Variants in MSI2 observed in about 807,000 individuals in gnomAD.
MSI2 encodes musashi RNA binding protein 2, also known as RNA-binding protein Musashi homolog 2.
A neutral mutation model predicts 45.6 loss-of-function variants in MSI2; 17 were observed. The ratio of observed to expected loss-of-function variants is 0.37; its 90% CI spans 0.26 to 0.56. MSI2 has a LOEUF of 0.56. MSI2 is among the 20% of genes least tolerant of loss of function. The pLI is 0.77. For synonymous variants in MSI2, 156 were observed against 158.2 expected, an observed-to-expected ratio of 0.99 and a Z score of 0.11; for missense variants, 293 against 444.2, an observed-to-expected ratio of 0.66 and a Z score of 3.06.
chr17:57,257,584 G>T (rs1395148954), intron 3 of MSI2, 37 bp downstream of exon 3: 2 of 1,443,712 alleles, frequency 1.4e-6, no homozygotes, highest in South Asian at 2.3e-5. Flanking sequence ...CTTTATTTTA[G>T]AACAAAGTTT....
chr17:57,398,434 T>A (rs1054696578), intron 5 of MSI2, among the ~76,000 whole-genome samples: 1 of 152,184 alleles, frequency 6.6e-6, no homozygotes, highest in Non-Finnish European at 1.5e-5. Context: ...GAATGAAAAA[T>A]CTAAAATTAA....
intron 5 of MSI2, among the ~76,000 whole-genome samples, chr17:57,379,878 C>G (rs1002967397): frequency 6.6e-6 from 1 of 152,236 alleles, no homozygotes; most frequent in Admixed American, 6.5e-5. Flanking sequence ...CTCCCCACCC[C>G]TCCCAACTTC....
chr17:57,670,475 G>A (rs1187011351), intron 11 of MSI2, among the ~76,000 whole-genome samples: 1 of 152,214 alleles, frequency 6.6e-6, no homozygotes, highest in African/African-American at 2.4e-5. Flanking sequence ...TCTCTGTTAA[G>A]ATCTCCAGGA....
At chr17:57,369,317 A>G (rs1230117091) in intron 5 of MSI2, among the ~76,000 whole-genome samples, 1 of 152,192 alleles carries the variant, frequency 6.6e-6, no homozygotes, top group Non-Finnish European at 1.5e-5. Context: ...CAGTGGGGAA[A>G]GGGGCAAGAA....
intron 5 of MSI2, among the ~76,000 whole-genome samples, chr17:57,288,439 A>G (rs1259883088): frequency 1.3e-5 from 2 of 152,002 alleles, no homozygotes; most frequent in South Asian, 2.1e-4. Context: ...GACTTTCTCT[A>G]CAGAATCTTC....
chr17:57,301,427 A>G (rs746738784), intron 5 of MSI2, among the ~76,000 whole-genome samples: 2 of 152,182 alleles, frequency 1.3e-5, no homozygotes, highest in Non-Finnish European at 2.9e-5. Context: ...AACATGTGAG[A>G]TCTCCGTGTA....
At chr17:57,551,462 G>A (rs902225076) in intron 7 of MSI2, among the ~76,000 whole-genome samples, 35 of 152,272 alleles carry the variant, frequency 2.3e-4, no homozygotes, top group African/African-American at 7.7e-4. Context: ...CACACAGACC[G>A]CCGTCTGGGA....
At chr17:57,450,320 A>AGAGAAAGAGAGAGAGAGAGAG (rs2084990245) in intron 6 of MSI2, 1 of 142,480 alleles carries the variant, frequency 7.0e-6, no homozygotes, top group African/African-American at 2.5e-5. Context: ...AGAAAGAAAG[A>AGAGAAAGAGAGAGAGAGAGAG]AAACCTTTGT....
At chr17:57,486,382 A>G (rs2085755597) in intron 6 of MSI2, among the ~76,000 whole-genome samples, 1 of 152,242 alleles carries the variant, frequency 6.6e-6, no homozygotes, top group Non-Finnish European at 1.5e-5. Context: ...AGGGAAGGGC[A>G]AAACAAAACA....
intron 6 of MSI2, among the ~76,000 whole-genome samples, chr17:57,511,350 G>T (rs1267870776): frequency 6.6e-6 from 1 of 152,106 alleles, no homozygotes; most frequent in East Asian, 1.9e-4. Context: ...CGACCCACCC[G>T]CTCAAATATA....
At chr17:57,505,927 C>G (rs992239515) in intron 6 of MSI2, among the ~76,000 whole-genome samples, 6 of 152,204 alleles carry the variant, frequency 3.9e-5, no homozygotes, top group Non-Finnish European at 7.3e-5. Context: ...GTAGCTGAGA[C>G]TTCTCTAAAT....
chr17:57,334,081 C>T (rs1235548132), intron 5 of MSI2, among the ~76,000 whole-genome samples: 1 of 152,214 alleles, frequency 6.6e-6, no homozygotes, highest in Non-Finnish European at 1.5e-5. Context: ...CCATCCCCAA[C>T]CGGGGGCCAT....
intron 7 of MSI2, among the ~76,000 whole-genome samples, chr17:57,578,051 T>A (rs539178453): frequency 3.9e-5 from 6 of 152,350 alleles, no homozygotes; most frequent in Non-Finnish European, 2.9e-5. Context: ...GGGAGAATGA[T>A]TGTGAAACTC....
intron 6 of MSI2, among the ~76,000 whole-genome samples, chr17:57,468,502 C>T (rs940321285): frequency 1.6e-5 from 2 of 128,954 alleles, no homozygotes; most frequent in African/African-American, 3.0e-5. Context: ...GCCTGGGCAA[C>T]AGAGCGAGAC....
Position 57,327,923 on chromosome 17 carries a change from C to T in MSI2, c.312+65731C>T, listed in dbSNP as rs574113182. Among the ~76,000 whole-genome samples, 22 of 152,240 alleles carry T rather than the reference C, an allele frequency of 1.4e-4. 2 individuals carry two copies. The South Asian group carries it at 4.4e-3, about 30-fold the overall frequency. On this transcript the variant is annotated intron_variant, in intron 5 of 13. Coordinates refer to ENST00000284073, the MANE Select transcript of MSI2 (RefSeq NM_138962.4). ...CTGGTCTGAGTTTGATACTTCTTTCCCCCTCCATCTGGGACAGGTGAGTTG... is the reference window on the plus strand; with the variant it reads ...CTGGTCTGAGTTTGATACTTCTTTCTCCCTCCATCTGGGACAGGTGAGTTG...
chr17:57,488,315 A>G (rs277067), intron 6 of MSI2, among the ~76,000 whole-genome samples: 124,255 of 152,188 alleles, frequency 0.82, 51,015 homozygotes, highest in East Asian at 0.89. Flanking sequence ...GCTTGCTTGA[A>G]TAATGAAAGA....
intron 11 of MSI2, among the ~76,000 whole-genome samples, chr17:57,668,164 A>T (rs2144731547): frequency 6.6e-6 from 1 of 152,234 alleles, no homozygotes; most frequent in East Asian, 1.9e-4. Context: ...ACACCACTGC[A>T]CTGTTGAGAT....
intron 6 of MSI2, among the ~76,000 whole-genome samples, chr17:57,492,367 A>C (rs1251288699): frequency 6.6e-6 from 1 of 152,210 alleles, no homozygotes; most frequent in Non-Finnish European, 1.5e-5. Context: ...GGGTCCCTTT[A>C]AGGTCAAGAA....
At chr17:57,661,124 A>G (rs529714507) in intron 11 of MSI2, among the ~76,000 whole-genome samples, 20 of 152,346 alleles carry the variant, frequency 1.3e-4, no homozygotes, top group Non-Finnish European at 2.4e-4. Context: ...CTTATCCATA[A>G]GACGATTAAC....
Sources: allele counts gnomAD v4.1 joint callset (sites outside exome capture counted in the v4.1 genomes callset), GRCh38; gene constraint gnomAD v4.1.1; transcripts MANE v1.5; gene names NCBI Gene and HGNC (gene_info 2026-07-23, HGNC 2026-07-21).